Variants in ZFYVE28 observed in about 807,000 individuals in gnomAD.
The protein encoded by ZFYVE28 is zinc finger FYVE-type containing 28.
Under a neutral mutation model 82.1 loss-of-function variants are expected in ZFYVE28, and 40 were observed. The ratio of observed to expected loss-of-function variants is 0.49; its 90% CI spans 0.38 to 0.63. ZFYVE28 has a LOEUF of 0.63. Ranked by LOEUF, ZFYVE28 falls within the 30% of genes least tolerant of loss-of-function variation. The probability of loss-of-function intolerance (pLI) is 0.00; values close to 1 mark genes in which losing one functional copy is unlikely to be tolerated. For missense variants in ZFYVE28, 1,321 were observed against 1,242.1 expected (o/e 1.06, Z -0.96); for synonymous variants, 612 against 546.1 (o/e 1.12, Z -1.68).
At chr4:2,305,675 A>G (rs1410230947) in intron 7 of ZFYVE28, 139 bp from the exon 8 acceptor site, 1 of 1,055,070 alleles carries the variant, frequency 9.5e-7, no homozygotes, top group Non-Finnish European at 1.4e-6. Flanking sequence ...TGAATTCTCA[A>G]GGCACCAGCA....
intron 1 of ZFYVE28, among the ~76,000 whole-genome samples, chr4:2,413,303 G>A (rs373831252): frequency 3.5e-4 from 53 of 152,374 alleles, no homozygotes; most frequent in African/African-American, 1.2e-3. Flanking sequence ...TCAGGCGTCC[G>A]CACTGCACTC....
chr4:2,418,220 G>A lies in ZFYVE28; in HGVS notation c.39+65C>T, dbSNP rs1024763498. On this transcript the variant is annotated intron_variant, in intron 1 of 12. Coordinates refer to ENST00000290974, the MANE Select transcript of ZFYVE28 (RefSeq NM_020972.3). This position sits in a 1 kb window ranked among gnomAD's most constrained non-coding sequence, Gnocchi z 4.6. ...AGGGAGTCCGTCTTGTAGGGCGGACGGGCGGTCCTGGGGAAGGGAGAGGCC... is the reference window on the plus strand; with the variant it reads ...AGGGAGTCCGTCTTGTAGGGCGGACAGGCGGTCCTGGGGAAGGGAGAGGCC... 2.7e-6 allele frequency: 4 copies of A among 1,464,530 alleles called. No homozygotes were observed. Among genetic ancestry groups the A allele is most frequent in the East Asian group, 5.5e-5 (2 of 36,072 alleles). 90.7% of individuals were successfully genotyped at this position (1,464,530 alleles called of 1,614,324 possible).
At chr4:2,351,768 G>C (rs1383762395) in intron 2 of ZFYVE28, among the ~76,000 whole-genome samples, 1 of 152,198 alleles carries the variant, frequency 6.6e-6, no homozygotes, top group African/African-American at 2.4e-5. Context: ...CCCAAGTCCA[G>C]GCATGGTCTG....
intron 1 of ZFYVE28, among the ~76,000 whole-genome samples, chr4:2,403,621 C>G (rs530662742): frequency 1.3e-5 from 2 of 152,268 alleles, no homozygotes; most frequent in South Asian, 4.1e-4. Context: ...CCTCTCAGGC[C>G]CCTCTCAGCA....
At chr4:2,282,427 A>G (rs537227583) in intron 8 of ZFYVE28, among the ~76,000 whole-genome samples, 2 of 152,316 alleles carry the variant, frequency 1.3e-5, no homozygotes, top group Non-Finnish European at 2.9e-5. Context: ...AACAGCACAC[A>G]GGGGGGATAA....
chr4:2,324,874 T>C lies in ZFYVE28; in HGVS notation c.702-4603A>G, dbSNP rs562046572. 5 of 175,930 alleles carry C rather than the reference T, an allele frequency of 2.8e-5. No homozygotes were observed. The South Asian group carries it at 6.0e-4, about 21-fold the overall frequency. The allele number at this position is 175,930 out of a possible 1,614,324, so 10.9% of individuals were successfully genotyped here. A position where few individuals can be genotyped will look rare whatever the true frequency, so the allele number is the denominator to read the frequency against. Reference sequence around the variant, plus strand: ...AAATTGTCAGGGCCCTGAGGAATTATGGAAGAACTGGAGAAATCACCAAAA... The same window carrying C: ...AAATTGTCAGGGCCCTGAGGAATTACGGAAGAACTGGAGAAATCACCAAAA... On this transcript the variant is annotated intron_variant, in intron 6 of 12. Coordinates refer to ENST00000290974, the MANE Select transcript of ZFYVE28 (RefSeq NM_020972.3).
intron 8 of ZFYVE28, among the ~76,000 whole-genome samples, chr4:2,298,851 T>A (rs553064107): frequency 1.6e-4 from 24 of 152,210 alleles, no homozygotes; most frequent in African/African-American, 5.5e-4. Context: ...CAGAGGCCCT[T>A]GCGCTGGTTC....
intron 1 of ZFYVE28, 111 bp from the exon 2 acceptor site, chr4:2,354,184 C>A (rs1466600117): frequency 2.5e-6 from 3 of 1,207,812 alleles, no homozygotes; most frequent in Non-Finnish European, 3.3e-6. Flanking sequence ...ACCTTCCACC[C>A]TGAGCAGCAG....
Position 2,315,219 on chromosome 4 carries a change from T to A in ZFYVE28, c.803+4951A>T, listed in dbSNP as rs901543854. On this transcript the variant is annotated intron_variant, in intron 7 of 12. Transcript: ENST00000290974. ...TCATGAAGGCAAAATATCACCTTCA[T>A]TTTTGAAGGATATTATTGCTGGTTA... 5.3e-5 allele frequency among the ~76,000 whole-genome samples: 8 copies of A among 152,200 alleles called. No individual in the cohort carries two copies. The East Asian group carries it at 7.7e-4, about 15-fold the overall frequency.
At chr4:2,302,439 C>T (rs754741283) in intron 8 of ZFYVE28, among the ~76,000 whole-genome samples, 1 of 152,222 alleles carries the variant, frequency 6.6e-6, no homozygotes, top group African/African-American at 2.4e-5. Context: ...CAGCTGACTG[C>T]TGACGAGTGG....
At chr4:2,284,184 G>A (rs916837892) in intron 8 of ZFYVE28, among the ~76,000 whole-genome samples, 1 of 152,214 alleles carries the variant, frequency 6.6e-6, no homozygotes, top group Non-Finnish European at 1.5e-5. Flanking sequence ...ACGTGTGTAC[G>A]CAGTGGAGGG....
chr4:2,325,425 T>C lies in ZFYVE28; in HGVS notation c.702-5154A>G, dbSNP rs149173120. Among the ~76,000 whole-genome samples, 414 of 151,832 alleles carry C rather than the reference T, an allele frequency of 2.7e-3. 2 individuals carry two copies. Among genetic ancestry groups the C allele is most frequent in the African/African-American group, 9.7e-3 (401 of 41,434 alleles). ...GTCATATACTCAGGTGAAAAATCAC[T>C]CTAACCTATATCTGCTGGCATTACA... On this transcript the variant is annotated intron_variant, in intron 6 of 12. Transcript: ENST00000290974.
intron 8 of ZFYVE28, among the ~76,000 whole-genome samples, chr4:2,302,189 A>T (rs755411397): frequency 3.7e-4 from 57 of 152,376 alleles, no homozygotes; most frequent in Middle Eastern, 3.4e-3. Flanking sequence ...GCCTTTGCTT[A>T]CATTTTTGAA....
At chr4:2,397,931 A>G (rs1000057054) in intron 1 of ZFYVE28, among the ~76,000 whole-genome samples, 15 of 150,726 alleles carry the variant, frequency 1.0e-4, no homozygotes, top group African/African-American at 2.7e-4. Flanking sequence ...GCAGTGAGAA[A>G]CTAGGAGGAG....
At chr4:2,355,157 G>A (rs1174998489) in intron 1 of ZFYVE28, among the ~76,000 whole-genome samples, 1 of 129,502 alleles carries the variant, frequency 7.7e-6, no homozygotes, top group Non-Finnish European at 1.6e-5. Context: ...AGAGTTTCGA[G>A]GATTCAAAGA....
chr4:2,329,720 A>G (rs2108845758), intron 6 of ZFYVE28, among the ~76,000 whole-genome samples: 1 of 152,364 alleles, frequency 6.6e-6, no homozygotes, highest in South Asian at 2.1e-4. Flanking sequence ...ATACTATTTG[A>G]TAACAGTTTT....
chr4:2,319,107 T>G (rs1266742814), intron 7 of ZFYVE28: 1 of 152,446 alleles, frequency 6.6e-6, no homozygotes, highest in African/African-American at 2.4e-5. Context: ...GCCCGGCACC[T>G]GCGCCACCTT....
Position 2,305,116 on chromosome 4 carries a change from C to A in ZFYVE28, c.1224G>T (p.Gly408=), listed in dbSNP as rs1450220190. Residue 408 remains glycine, a synonymous_variant, in exon 8 of 13, where the codon GGG becomes GGT. Transcript: ENST00000290974. ...CGGGCCTGGCCAGGGCTTCTGCCGT[C>A]CCCTCCACGTCATCCATGAAGAACA... ...ERVFFMDDVE[G]TAEALARPES... is the part of the protein sequence containing the mutation. The A allele has an allele frequency of 1.3e-6, 2 of 1,596,668 alleles. No individual in the cohort carries two copies. The highest frequency in any genetic ancestry group is 1.7e-6 in the Non-Finnish European group (2 of 1,170,734).
At chr4:2,384,278 T>C (rs1729025282) in intron 1 of ZFYVE28, among the ~76,000 whole-genome samples, 1 of 152,192 alleles carries the variant, frequency 6.6e-6, no homozygotes, top group Non-Finnish European at 1.5e-5. Flanking sequence ...TCCCTTTATC[T>C]GCGAAGAGGA....
Sources: gnomAD v4.1 joint callset for allele counts (sites outside exome capture counted in the v4.1 genomes callset) on GRCh38, gnomAD v4.1.1 for gene constraint, Gnocchi (gnomAD v3.1) non-coding constraint, MANE v1.5 for transcripts, NCBI Gene and HGNC (gene_info 2026-07-23, HGNC 2026-07-21) for gene names.